Variants in CDH13 observed in about 807,000 individuals in gnomAD.
CDH13 encodes the protein cadherin 13, also known as cadherin-13.
Under a neutral mutation model 63.8 loss-of-function variants are expected in CDH13, and 24 were observed. The observed-to-expected ratio is 0.38, with a 90% CI of 0.27 to 0.53. The LOEUF is 0.53. CDH13 is among the 20% of genes least tolerant of loss of function. CDH13 has a pLI of 0.85. For synonymous variants in CDH13, 503 were observed against 355.3 expected, an observed-to-expected ratio of 1.42 and a Z score of -4.67; for missense variants, 1,049 against 903.1, an observed-to-expected ratio of 1.16 and a Z score of -2.07.
At position 82,810,041 on chromosome 16, in the gene CDH13, C is replaced by A. The variant is rs184775822; in HGVS notation, c.46-48321C>A. Among the ~76,000 whole-genome samples the A allele has an allele frequency of 3.3e-4, 51 of 152,320 alleles. No individual in the cohort carries two copies. The East Asian group carries it at 8.5e-3, about 25-fold the overall frequency. ...AGCCTGCCATCGCCCGGTGCCTTAG[C>A]ACGCTCTCATGTTTGCCAACAGTGA... is the stretch of plus-strand genomic sequence containing the variant. On this transcript the variant is annotated intron_variant, in intron 1 of 13. Transcript: ENST00000567109.
chr16:83,722,641 C>T (rs560353352), intron 10 of CDH13, among the ~76,000 whole-genome samples: 1 of 152,326 alleles, frequency 6.6e-6, no homozygotes, highest in East Asian at 1.9e-4. Flanking sequence ...TCTAACCTTG[C>T]AAAACTGAGC....
chr16:83,161,218 T>C (rs1261845163), intron 4 of CDH13, among the ~76,000 whole-genome samples: 2 of 152,162 alleles, frequency 1.3e-5, no homozygotes, highest in Non-Finnish European at 1.5e-5. Flanking sequence ...CAGGGAGATA[T>C]ACTAATATCT....
At chr16:83,663,981 A>G (rs371368611) in intron 8 of CDH13, among the ~76,000 whole-genome samples, 2 of 150,916 alleles carry the variant, frequency 1.3e-5, no homozygotes, top group African/African-American at 2.4e-5. Flanking sequence ...GCAACTTAGT[A>G]GGACTCCCAT....
At position 83,783,319 on chromosome 16, in the gene CDH13, G is replaced by C; in HGVS notation, c.1981G>C (p.Val661Leu). 1.2e-6 allele frequency: 2 copies of C among 1,613,944 alleles called. No individual in the cohort carries two copies. Among genetic ancestry groups the C allele is most frequent in the Non-Finnish European group, 1.7e-6 (2 of 1,179,880 alleles). ...AGCAAACTACAACCTGCCCATCATGGTGACAGATTCAGGGAAACCACCCAT... is the reference window on the plus strand; with the variant it reads ...AGCAAACTACAACCTGCCCATCATGCTGACAGATTCAGGGAAACCACCCAT... Reference protein sequence around the residue: ...NKANYNLPIMVTDSGKPPMTN... With the variant: ...NKANYNLPIMLTDSGKPPMTN... Residue 661 changes from valine to leucine, a missense_variant, in exon 13 of 14, where the codon GTG (valine) becomes CTG (leucine). Physicochemically the swap from Val to Leu is conservative, Grantham distance 32. Transcript: ENST00000567109.
chr16:82,739,949 C>G (rs956186576), intron 1 of CDH13, among the ~76,000 whole-genome samples: 1 of 152,198 alleles, frequency 6.6e-6, no homozygotes, highest in Non-Finnish European at 1.5e-5. Context: ...GATTCTACAT[C>G]TCCAGATATT....
chr16:83,038,099 CAG>C (rs375855262), intron 3 of CDH13, among the ~76,000 whole-genome samples: 115 of 152,282 alleles, frequency 7.6e-4, no homozygotes, highest in African/African-American at 2.5e-3. Flanking sequence ...CTAACCAAAA[CAG>C]GGGCGATTTC....
At chr16:83,179,890 G>GTTT (rs11406184) in intron 4 of CDH13, among the ~76,000 whole-genome samples, 1 of 146,424 alleles carries the variant, frequency 6.8e-6, no homozygotes, top group African/African-American at 2.5e-5. Context: ...AATAGGTTAA[G>GTTT]TTTTTTTTTT....
intron 7 of CDH13, among the ~76,000 whole-genome samples, chr16:83,526,274 G>T (rs867437201): frequency 2.0e-5 from 3 of 152,104 alleles, no homozygotes; most frequent in Non-Finnish European, 4.4e-5. Flanking sequence ...AAAAGTGCCA[G>T]CTCTCAAGCT....
At chr16:82,653,258 C>T (rs1036376098) in intron 1 of CDH13, among the ~76,000 whole-genome samples, 6 of 152,062 alleles carry the variant, frequency 3.9e-5, no homozygotes, top group Non-Finnish European at 7.4e-5. Context: ...GTGCCAGTTA[C>T]GTGGCAACTC....
chr16:83,336,093 G>T (rs574784605), intron 5 of CDH13, among the ~76,000 whole-genome samples: 1 of 152,086 alleles, frequency 6.6e-6, no homozygotes, highest in African/African-American at 2.4e-5. Context: ...CTGAGGTCAG[G>T]AGTTCGAGAC....
intron 1 of CDH13, among the ~76,000 whole-genome samples, chr16:82,756,820 G>C (rs537367621): frequency 6.6e-6 from 1 of 152,116 alleles, no homozygotes; most frequent in Non-Finnish European, 1.5e-5. Flanking sequence ...TGATGAGAGA[G>C]ACAGACTGTC....
At chr16:82,760,040 C>G (rs2034772996) in intron 1 of CDH13, among the ~76,000 whole-genome samples, 2 of 152,144 alleles carry the variant, frequency 1.3e-5, no homozygotes, top group South Asian at 4.1e-4. Context: ...TACAAAGTTG[C>G]AAAGATCTGG....
At chr16:82,669,912 T>G (rs1054598054) in intron 1 of CDH13, among the ~76,000 whole-genome samples, 8 of 152,212 alleles carry the variant, frequency 5.3e-5, no homozygotes, top group African/African-American at 1.9e-4. Context: ...TTGGCAGAGA[T>G]GTAGTCTGTT....
At chr16:83,278,784 G>T (rs17758005) in intron 5 of CDH13, among the ~76,000 whole-genome samples, 28,431 of 152,150 alleles carry the variant, frequency 0.19, 2,728 homozygotes, top group South Asian at 0.23. Flanking sequence ...TTCGCATTCT[G>T]TGAAGAACCT....
intron 1 of CDH13, among the ~76,000 whole-genome samples, chr16:82,830,887 T>G (rs1378642314): frequency 6.6e-6 from 1 of 152,206 alleles, no homozygotes; most frequent in African/African-American, 2.4e-5. Context: ...AATAAGTCAT[T>G]GGAAGAAAAA....
chr16:82,664,551 C>A (rs1912362997), intron 1 of CDH13, among the ~76,000 whole-genome samples: 1 of 152,168 alleles, frequency 6.6e-6, no homozygotes, highest in South Asian at 2.1e-4. Flanking sequence ...GCATGACTTT[C>A]TGAGGGAGAA....
At chr16:83,522,019 G>T (rs2074849546) in intron 7 of CDH13, among the ~76,000 whole-genome samples, 2 of 152,184 alleles carry the variant, frequency 1.3e-5, no homozygotes, top group Admixed American at 1.3e-4. Context: ...GAATCCATCA[G>T]CTGTTAAATG....
At chr16:83,762,452 G>T (rs1206020367) in intron 11 of CDH13, among the ~76,000 whole-genome samples, 8 of 152,160 alleles carry the variant, frequency 5.3e-5, no homozygotes, top group Admixed American at 4.6e-4. Flanking sequence ...CAATAAAATG[G>T]AATCCCTTTG....
At chr16:83,495,941 C>A (rs56067153) in intron 7 of CDH13, among the ~76,000 whole-genome samples, 3 of 151,648 alleles carry the variant, frequency 2.0e-5, no homozygotes, top group Admixed American at 2.0e-4. Flanking sequence ...GCCTAGGAAT[C>A]CAACTGACAA....
Sources: allele counts gnomAD v4.1 joint callset (sites outside exome capture counted in the v4.1 genomes callset), GRCh38; gene constraint gnomAD v4.1.1; transcripts MANE v1.5; gene names NCBI Gene and HGNC (gene_info 2026-07-23, HGNC 2026-07-21).